The following HS3ST3A1 variants were observed in gnomAD, a reference collection of about 807,000 sequenced individuals.
HS3ST3A1 encodes the protein heparan sulfate glucosamine 3-O-sulfotransferase 3A1.
In HS3ST3A1, 19 loss-of-function variants were observed where a neutral mutation model predicts 25.7. The ratio of observed to expected loss-of-function variants is 0.74; its 90% confidence interval spans 0.52 to 1.08. The LOEUF is 1.08. HS3ST3A1 is among the 50% of genes least tolerant of loss of function. The probability of loss-of-function intolerance (pLI) is 0.00; values close to 1 mark genes in which losing one functional copy is unlikely to be tolerated. For synonymous variants in HS3ST3A1, 226 were observed against 278.6 expected, an observed-to-expected ratio of 0.81 and a Z score of 1.88; for missense variants, 459 against 594.3, an observed-to-expected ratio of 0.77 and a Z score of 2.37.
chr17:13,601,155 C>G lies in HS3ST3A1; in HGVS notation c.-26G>C. 1.3e-6 allele frequency: 2 copies of G among 1,484,058 alleles called. No individual in the cohort carries two copies. The highest frequency in any genetic ancestry group is 1.8e-6 in the Non-Finnish European group (2 of 1,117,832). 91.9% of individuals were successfully genotyped at this position (1,484,058 alleles called of 1,614,324 possible). On this transcript the variant is annotated 5_prime_UTR_variant, in exon 1 of 2. Transcript: ENST00000284110. ...CCTAGCCGGAGGCGACGTCGGGCAA[C>G]GCGCCGGCCATGCTAGGCCTGGACC...
chr17:13,544,156 T>C (rs552394342), intron 1 of HS3ST3A1, among the ~76,000 whole-genome samples: 2 of 152,198 alleles, frequency 1.3e-5, no homozygotes, highest in South Asian at 4.1e-4. Flanking sequence ...ATGATGAAAA[T>C]ATATACATTT....
At chr17:13,535,318 A>G (rs1396819238) in intron 1 of HS3ST3A1, among the ~76,000 whole-genome samples, 2 of 152,232 alleles carry the variant, frequency 1.3e-5, no homozygotes, top group Non-Finnish European at 2.9e-5. Context: ...TCTTGTGCTT[A>G]GGAACACTAG....
intron 1 of HS3ST3A1, among the ~76,000 whole-genome samples, chr17:13,498,605 C>T (rs920830061): frequency 3.9e-5 from 6 of 152,178 alleles, no homozygotes; most frequent in Non-Finnish European, 7.3e-5. Flanking sequence ...GGTCCTGCCC[C>T]GTACCTAGAA....
intron 1 of HS3ST3A1, among the ~76,000 whole-genome samples, chr17:13,532,336 T>G (rs1476635870): frequency 6.6e-6 from 1 of 152,098 alleles, no homozygotes; most frequent in African/African-American, 2.4e-5. Context: ...GTGGTTCTAG[T>G]TAGCAATGGT....
At chr17:13,496,969 C>T in intron 1 of HS3ST3A1, 151 bp from the exon 2 acceptor site, 1 of 1,019,824 alleles carries the variant, frequency 9.8e-7, no homozygotes, top group East Asian at 2.6e-5. Context: ...ACAACGAGCC[C>T]CGCACCTCAG....
At chr17:13,550,957 C>T (rs1464476166) in intron 1 of HS3ST3A1, among the ~76,000 whole-genome samples, 2 of 150,614 alleles carry the variant, frequency 1.3e-5, no homozygotes, top group African/African-American at 2.5e-5. Context: ...GCCCCAGCTA[C>T]TGGGGAGGCT....
At chr17:13,574,573 C>T (rs993216447) in intron 1 of HS3ST3A1, among the ~76,000 whole-genome samples, 43 of 151,690 alleles carry the variant, frequency 2.8e-4, no homozygotes, top group Admixed American at 1.6e-3. Flanking sequence ...AAAAAATTAG[C>T]GGGACATGGT....
At chr17:13,526,155 C>T (rs74958456) in intron 1 of HS3ST3A1, among the ~76,000 whole-genome samples, 7,491 of 151,886 alleles carry the variant, frequency 0.049, 394 homozygotes, top group African/African-American at 0.12. Context: ...TGCAGTGCGC[C>T]CTCCCTGGGG....
intron 1 of HS3ST3A1, among the ~76,000 whole-genome samples, chr17:13,559,658 G>A (rs950074829): frequency 4.0e-5 from 6 of 150,994 alleles, no homozygotes; most frequent in African/African-American, 1.2e-4. Flanking sequence ...TATCTTTAAA[G>A]TATCCTTCCC....
chr17:13,532,477 G>A (rs779892768), intron 1 of HS3ST3A1, among the ~76,000 whole-genome samples: 11 of 151,992 alleles, frequency 7.2e-5, no homozygotes, highest in Admixed American at 6.6e-4. Context: ...AAAGCCTAGC[G>A]CTTCAGGAGC....
At position 13,507,162 on chromosome 17, in the gene HS3ST3A1, G is replaced by A. The variant is rs533509712; in HGVS notation, c.600-10344C>T. 5.3e-5 allele frequency among the ~76,000 whole-genome samples: 8 copies of A among 152,086 alleles called. No homozygotes were observed. The South Asian group carries it at 1.7e-3, about 32-fold the overall frequency. The stretch of plus-strand genomic sequence containing the variant: ...CTACATTAAAAATAATAGATCCAGG[G>A]CAGCCAGAAATTCAAGTTCAGGGTC... On this transcript the variant is annotated intron_variant, in intron 1 of 1. Coordinates refer to ENST00000284110, the MANE Select transcript of HS3ST3A1 (RefSeq NM_006042.3).
At chr17:13,585,238 C>T (rs1291678402) in intron 1 of HS3ST3A1, among the ~76,000 whole-genome samples, 2 of 105,884 alleles carry the variant, frequency 1.9e-5, no homozygotes, top group African/African-American at 7.1e-5. Flanking sequence ...CTTGCTCTGT[C>T]GCCCAGGCTG....
intron 1 of HS3ST3A1, among the ~76,000 whole-genome samples, chr17:13,534,427 G>A (rs1175658255): frequency 6.6e-6 from 1 of 151,692 alleles, no homozygotes; most frequent in Non-Finnish European, 1.5e-5. Context: ...CTGCAGTCCA[G>A]GTGTGGTGGC....
chr17:13,582,217 T>G (rs1222917765), intron 1 of HS3ST3A1, among the ~76,000 whole-genome samples: 9 of 152,132 alleles, frequency 5.9e-5, no homozygotes, highest in Admixed American at 2.6e-4. Flanking sequence ...TTTAGCGGCC[T>G]TGGGGAGGAA....
intron 1 of HS3ST3A1, among the ~76,000 whole-genome samples, chr17:13,548,025 A>G (rs1246496533): frequency 5.3e-5 from 8 of 152,056 alleles, no homozygotes; most frequent in Non-Finnish European, 5.9e-5. Context: ...GATTATTTAA[A>G]TATACTAACC....
intron 1 of HS3ST3A1, among the ~76,000 whole-genome samples, chr17:13,524,132 C>T (rs765613632): frequency 4.6e-5 from 7 of 152,076 alleles, no homozygotes; most frequent in Non-Finnish European, 1.0e-4. Context: ...TTTGTTATTA[C>T]TTGTCACTCA....
At chr17:13,560,983 T>C (rs1239152241) in intron 1 of HS3ST3A1, among the ~76,000 whole-genome samples, 4 of 152,144 alleles carry the variant, frequency 2.6e-5, no homozygotes, top group Non-Finnish European at 4.4e-5. Context: ...GAAGATCCAG[T>C]AAGAGACCAG....
At chr17:13,500,740 C>T (rs1331569327) in intron 1 of HS3ST3A1, among the ~76,000 whole-genome samples, 1 of 152,066 alleles carries the variant, frequency 6.6e-6, no homozygotes, top group African/African-American at 2.4e-5. Context: ...TTTGTTTTGT[C>T]CTGAGGGAGG....
chr17:13,530,865 A>G (rs775169092), intron 1 of HS3ST3A1, among the ~76,000 whole-genome samples: 1 of 152,194 alleles, frequency 6.6e-6, no homozygotes, highest in Non-Finnish European at 1.5e-5. Context: ...GTAGTTTTAC[A>G]GTATTGACTC....
Sources: allele counts gnomAD v4.1 joint callset (sites outside exome capture counted in the v4.1 genomes callset), GRCh38; gene constraint gnomAD v4.1.1; transcripts MANE v1.5; gene names NCBI Gene and HGNC (gene_info 2026-07-23, HGNC 2026-07-21).